RGS6: variants seen among roughly 807,000 people sequenced by gnomAD.
The protein encoded by RGS6 is regulator of G-protein signaling 6.
RGS6 carries 30 observed loss-of-function variants against 78.5 expected under a neutral mutation model. The ratio of observed to expected loss-of-function variants is 0.38; its 90% CI spans 0.29 to 0.52. The LOEUF is 0.52. Ranked by LOEUF, RGS6 falls within the 20% of genes least tolerant of loss-of-function variation. RGS6 has a pLI of 0.85. For synonymous variants in RGS6, 206 were observed against 206.0 expected (o/e 1.00, Z 0.00); for missense variants, 495 against 609.7 (o/e 0.81, Z 1.98).
the RGS6 span, among the ~76,000 whole-genome samples, chr14:72,623,255 AT>A: frequency 2.6e-5 from 4 of 152,238 alleles, no homozygotes; most frequent in Non-Finnish European, 5.9e-5. Flanking sequence ...TATAAATTTG[AT>A]TTTAGAACCA....
In RGS6 at chr14:72,221,369, G is replaced by A. The variant is rs79316218; in HGVS notation, c.85-130726G>A. ...AGCTTCCTAATATCTAGGGGTGGCCGTGGGACCTAGTCAATGAGACATAAG... is the reference window on the plus strand; with the variant it reads ...AGCTTCCTAATATCTAGGGGTGGCCATGGGACCTAGTCAATGAGACATAAG... On this transcript the variant is annotated intron_variant, in intron 2 of 17. Transcript: ENST00000553525. 7.6e-3 allele frequency among the ~76,000 whole-genome samples: 1,151 copies of A among 152,220 alleles called. 11 individuals are homozygous for A. Among genetic ancestry groups the A allele is most frequent in the African/African-American group, 0.025 (1,058 of 41,508 alleles).
At chr14:72,254,320 C>T (rs968203145) in intron 2 of RGS6, among the ~76,000 whole-genome samples, 2 of 152,208 alleles carry the variant, frequency 1.3e-5, no homozygotes, top group African/African-American at 4.8e-5. Context: ...TTGATGATGA[C>T]AGTGCAGGTT....
the RGS6 span, among the ~76,000 whole-genome samples, chr14:71,910,979 C>T: frequency 6.6e-6 from 1 of 152,062 alleles, no homozygotes; most frequent in African/African-American, 2.4e-5. Context: ...GAGTCTTGTC[C>T]TTTTTTCCAT....
intron 3 of RGS6, among the ~76,000 whole-genome samples, chr14:72,401,607 T>A (rs2092409069): frequency 6.7e-6 from 1 of 149,260 alleles, no homozygotes; most frequent in Non-Finnish European, 1.5e-5. Context: ...AAGTTTGGGA[T>A]TTCCAAATGT....
chr14:71,920,259 CT>C, the RGS6 span, among the ~76,000 whole-genome samples: 1 of 152,210 alleles, frequency 6.6e-6, no homozygotes, highest in African/African-American at 2.4e-5. Context: ...CCCAAGGCAG[CT>C]CAGCAGCTTT....
chr14:72,308,484 C>T (rs1488932693), intron 2 of RGS6, among the ~76,000 whole-genome samples: 1 of 152,096 alleles, frequency 6.6e-6, no homozygotes, highest in Non-Finnish European at 1.5e-5. Flanking sequence ...TTAAATAGTC[C>T]ACTAAAAATC....
chr14:72,180,265 G>A (rs1405899708), intron 2 of RGS6, among the ~76,000 whole-genome samples: 3 of 152,192 alleles, frequency 2.0e-5, no homozygotes, highest in African/African-American at 7.2e-5. Context: ...GTATTCCCAA[G>A]CAAATAAAAT....
chr14:72,195,133 A>G (rs1349014535), intron 2 of RGS6, among the ~76,000 whole-genome samples: 2 of 152,132 alleles, frequency 1.3e-5, no homozygotes, highest in East Asian at 1.9e-4. Context: ...GCTTGAGCCC[A>G]GAAGTCAGAG....
chr14:72,459,973 C>T (rs2095737307), intron 6 of RGS6, among the ~76,000 whole-genome samples: 1 of 152,128 alleles, frequency 6.6e-6, no homozygotes, highest in Non-Finnish European at 1.5e-5. Context: ...ACCAGGATCC[C>T]ACAGCAACAC....
intron 2 of RGS6, among the ~76,000 whole-genome samples, chr14:72,179,933 G>A (rs987871479): frequency 6.6e-6 from 1 of 152,080 alleles, no homozygotes; most frequent in African/African-American, 2.4e-5. Context: ...CATTGTTTAA[G>A]GATCACAACA....
At position 71,959,564 on chromosome 14, in the gene RGS6, A is replaced by G. The variant is rs868477779; in HGVS notation, c.-20-5208A>G. Among the ~76,000 whole-genome samples the G allele has an allele frequency of 3.3e-5, 5 of 152,180 alleles. No homozygotes were observed. In the South Asian group the frequency reaches 6.2e-4, roughly 19 times the overall value. On this transcript the variant is annotated intron_variant, in intron 1 of 17. Coordinates refer to ENST00000553525, the MANE Select transcript of RGS6 (RefSeq NM_001204424.2). ...TGTTTAAAGCATTTAGTTGCAAGCC[A>G]TGGTAATTTCAGTGACATTGTAGGG...
intron 3 of RGS6, among the ~76,000 whole-genome samples, chr14:72,414,261 T>C (rs1461894999): frequency 1.3e-5 from 2 of 152,114 alleles, no homozygotes; most frequent in African/African-American, 4.8e-5. Flanking sequence ...GGAGACTTTG[T>C]TTGTTTTTAT....
At chr14:72,140,765 T>C (rs2096528355) in intron 2 of RGS6, among the ~76,000 whole-genome samples, 2 of 152,234 alleles carry the variant, frequency 1.3e-5, no homozygotes, top group Non-Finnish European at 2.9e-5. Context: ...TTGCTTGTCT[T>C]GGCCTAAGAG....
At chr14:72,527,026 C>A (rs2097128571) in intron 15 of RGS6, among the ~76,000 whole-genome samples, 1 of 152,222 alleles carries the variant, frequency 6.6e-6, no homozygotes, top group African/African-American at 2.4e-5. Context: ...GGCCCATCAG[C>A]CCTCAACGCT....
At chr14:71,956,803 G>C (rs998183682) in intron 1 of RGS6, among the ~76,000 whole-genome samples, 1 of 152,154 alleles carries the variant, frequency 6.6e-6, no homozygotes, top group Non-Finnish European at 1.5e-5. Flanking sequence ...CCATCACAAG[G>C]GGAGATGCAG....
At chr14:72,041,825 C>T (rs1284812357) in intron 2 of RGS6, among the ~76,000 whole-genome samples, 1 of 151,952 alleles carries the variant, frequency 6.6e-6, no homozygotes. Flanking sequence ...CTGGGGCATC[C>T]TATTTTGTAA....
chr14:72,271,614 C>T (rs1006487710), intron 2 of RGS6, among the ~76,000 whole-genome samples: 34 of 152,178 alleles, frequency 2.2e-4, no homozygotes, highest in African/African-American at 1.9e-4. Flanking sequence ...TTTTAACCTG[C>T]GATGGATTTG....
chr14:71,964,870 T>C lies in RGS6; in HGVS notation c.79T>C (p.Cys27Arg). Residue 27 changes from cysteine (C) to arginine (R), a missense_variant, in exon 2 of 18, where the codon TGC becomes CGC. Physicochemically the swap from Cys to Arg is radical, Grantham distance 180. Coordinates refer to ENST00000553525, the MANE Select transcript of RGS6 (RefSeq NM_001204424.2). ...EESSPNMIVY[C>R]KIEDIITKMQ... ...GAGTTCTCCAAACATGATCGTTTAC[T>C]GCAAAGTAAGGCGCCTGGTCAAGTG... is the stretch of plus-strand genomic sequence containing the variant. The C allele has an allele frequency of 1.2e-6, 2 of 1,613,692 alleles. No homozygotes were observed. The highest frequency in any genetic ancestry group is 1.7e-6 in the Non-Finnish European group (2 of 1,179,734).
intron 1 of RGS6, 151 bp downstream of exon 1, chr14:71,933,092 CGT>C (rs1325094076): frequency 3.9e-5 from 6 of 152,580 alleles, no homozygotes; most frequent in Admixed American, 6.5e-5. Context: ...GACAGGTGCC[CGT>C]GTGTGTGTGT....
Sources: allele counts gnomAD v4.1 joint callset (sites outside exome capture counted in the v4.1 genomes callset), GRCh38; gene constraint gnomAD v4.1.1; transcripts MANE v1.5; gene names NCBI Gene and HGNC (gene_info 2026-07-23, HGNC 2026-07-21).